The following MBNL3 variants were observed in gnomAD, a reference collection of about 807,000 sequenced individuals.
MBNL3 encodes the protein muscleblind like splicing regulator 3, also known as muscleblind-like protein 3.
Under a neutral mutation model 24.5 loss-of-function variants are expected in MBNL3, and 6 were observed. That is an observed-to-expected ratio of 0.25 (90% CI 0.13 to 0.48). MBNL3 has a LOEUF of 0.48. MBNL3 is among the 20% of genes least tolerant of loss of function. The probability of loss-of-function intolerance (pLI) is 0.99; values close to 1 mark genes in which losing one functional copy is unlikely to be tolerated. For missense variants in MBNL3, 230 were observed against 293.5 expected, an observed-to-expected ratio of 0.78 and a Z score of 1.58; for synonymous variants, 100 against 101.7, an observed-to-expected ratio of 0.98 and a Z score of 0.10.
intron 8 of MBNL3, chrX:132,381,223 A>T: frequency 2.9e-6 from 1 of 349,746 alleles, no homozygotes; most frequent in Non-Finnish European, 4.9e-6. Context: ...AAAATTTATA[A>T]TGTGTAAATC....
Position 132,395,965 on chromosome X carries a change from G to A in MBNL3, c.343-3631C>T, listed in dbSNP as rs1485763666. 3.6e-5 allele frequency among the ~76,000 whole-genome samples: 4 copies of A among 110,633 alleles called. No individual in the cohort carries two copies. In the Admixed American group the frequency reaches 3.9e-4, roughly 11 times the overall value. On this transcript the variant is annotated intron_variant, in intron 3 of 8. Coordinates refer to ENST00000370853, the MANE Select transcript of MBNL3 (RefSeq NM_001386889.1). Reference sequence around the variant, plus strand: ...AGGGCCCATAAGCCAAATTCAGCCTGCCTGTGTTTTTGTATGGCCAGCAAT... The same window carrying A: ...AGGGCCCATAAGCCAAATTCAGCCTACCTGTGTTTTTGTATGGCCAGCAAT...
Position 132,378,758 on chromosome X carries a change from A to G in MBNL3, c.*908T>C, listed in dbSNP as rs1934383862. ...CACACACACAAAAAATCTAATGAGC[A>G]CTTTACATAATTTTTAGTATAAATG... is the stretch of plus-strand genomic sequence containing the variant. On this transcript the variant is annotated 3_prime_UTR_variant, in exon 9 of 9. Transcript: ENST00000370853. The G allele has an allele frequency of 1.8e-5, 2 of 112,129 alleles. No individual in the cohort carries two copies. Among genetic ancestry groups the G allele is most frequent in the Admixed American group, 9.5e-5 (1 of 10,542 alleles). The allele number at this position is 112,129 out of a possible 1,213,427, so 9.2% of individuals were successfully genotyped here. A position where few individuals can be genotyped will look rare whatever the true frequency, so the allele number is the denominator to read the frequency against.
intron 1 of MBNL3, among the ~76,000 whole-genome samples, chrX:132,485,539 G>A (rs1947963117): frequency 8.9e-6 from 1 of 112,189 alleles, no homozygotes; most frequent in South Asian, 3.7e-4. Context: ...TCTCAAAGTT[G>A]CCTTTCCAAC....
intron 2 of MBNL3, among the ~76,000 whole-genome samples, chrX:132,424,419 T>C (rs1288844176): frequency 9.0e-6 from 1 of 111,380 alleles, no homozygotes; most frequent in Admixed American, 9.5e-5. Flanking sequence ...TAGTGGTGCA[T>C]GTTTAGTGGT....
At chrX:132,464,235 G>A (rs183818158) in intron 1 of MBNL3, among the ~76,000 whole-genome samples, 277 of 112,158 alleles carry the variant, frequency 2.5e-3, no homozygotes, top group Non-Finnish European at 4.2e-3. Flanking sequence ...ACTAAAGAAC[G>A]TGGTTATACT....
chrX:132,420,715 C>A (rs1306839533), intron 2 of MBNL3, among the ~76,000 whole-genome samples: 3 of 111,050 alleles, frequency 2.7e-5, no homozygotes, highest in Non-Finnish European at 5.7e-5. Context: ...GATTACTCGT[C>A]GGCCTAGGAA....
At chrX:132,415,930 A>C (rs747497506) in intron 2 of MBNL3, among the ~76,000 whole-genome samples, 1 of 111,555 alleles carries the variant, frequency 9.0e-6, no homozygotes, top group East Asian at 2.8e-4. Flanking sequence ...AATTGTAGGA[A>C]AGTAGGCAAC....
Position 132,429,161 on chromosome X carries a change from T to A in MBNL3, c.177+10274A>T, listed in dbSNP as rs754703117. Reference sequence around the variant, plus strand: ...GAGCTATGATCCCATAAAACAACACTTTAAATAAGTTGGATTAGATTCCAA... The same window carrying A: ...GAGCTATGATCCCATAAAACAACACATTAAATAAGTTGGATTAGATTCCAA... On this transcript the variant is annotated intron_variant, in intron 2 of 8. Coordinates refer to ENST00000370853, the MANE Select transcript of MBNL3 (RefSeq NM_001386889.1). 2.4e-4 allele frequency among the ~76,000 whole-genome samples: 27 copies of A among 112,534 alleles called. 1 individual carries two copies. The highest frequency in any genetic ancestry group is 4.6e-3 in the Middle Eastern group (1 of 217).
intron 3 of MBNL3, among the ~76,000 whole-genome samples, chrX:132,400,228 TAAAATA>T (rs985117355): frequency 9.0e-6 from 1 of 111,153 alleles, no homozygotes; most frequent in African/African-American, 3.3e-5. Context: ...ATAATAATAA[TAAAATA>T]AAATAAAGAA....
At chrX:132,412,076 A>G (rs1942809690) in intron 2 of MBNL3, among the ~76,000 whole-genome samples, 2 of 111,346 alleles carry the variant, frequency 1.8e-5, no homozygotes, top group Non-Finnish European at 3.8e-5. Flanking sequence ...GAAAATAGCT[A>G]GTTCCTAACT....
intron 1 of MBNL3, among the ~76,000 whole-genome samples, chrX:132,481,030 T>G (rs1947703851): frequency 1.8e-5 from 2 of 110,855 alleles, no homozygotes; most frequent in Non-Finnish European, 3.8e-5. Flanking sequence ...AAAAAAAAAC[T>G]CTATATGGAA....
chrX:132,401,481 T>G (rs1940909852), intron 3 of MBNL3, among the ~76,000 whole-genome samples: 1 of 109,143 alleles, frequency 9.2e-6, no homozygotes, highest in African/African-American at 3.3e-5. Flanking sequence ...CATGGTGATG[T>G]GCACCTGTAG....
chrX:132,487,977 C>T (rs1189988532), intron 1 of MBNL3, among the ~76,000 whole-genome samples: 3 of 111,884 alleles, frequency 2.7e-5, no homozygotes, highest in Non-Finnish European at 5.6e-5. Flanking sequence ...TTCACTAAAG[C>T]AGGGAGTCCG....
In MBNL3 at chrX:132,372,381, A is replaced by G. The variant is rs772783697; in HGVS notation, c.*7285T>C. The G allele has an allele frequency of 2.7e-5, 3 of 110,021 alleles. No homozygotes were observed. The highest frequency in any genetic ancestry group is 9.8e-5 in the African/African-American group (3 of 30,545). The allele number at this position is 110,021 out of a possible 1,213,427, so 9.1% of individuals were successfully genotyped here. A position where few individuals can be genotyped will look rare whatever the true frequency, so the allele number is the denominator to read the frequency against. ...AAGAATATATTTAGGAAAATCCTTC[A>G]AAAGTTTTTTAATTTAAATCATTGT... On this transcript the variant is annotated 3_prime_UTR_variant, in exon 9 of 9. Transcript: ENST00000370853.
At chrX:132,473,046 C>T (rs888093011) in intron 1 of MBNL3, among the ~76,000 whole-genome samples, 1 of 111,864 alleles carries the variant, frequency 8.9e-6, no homozygotes, top group Middle Eastern at 4.2e-3. Flanking sequence ...AACTTGATTA[C>T]AGGGCTGGCT....
chrX:132,384,006 A>G (rs928145101), intron 7 of MBNL3, among the ~76,000 whole-genome samples: 3 of 112,266 alleles, frequency 2.7e-5, no homozygotes, highest in Admixed American at 1.9e-4. Context: ...AGTGCTGTAT[A>G]AAATGGTTTA....
At chrX:132,443,831 C>T (rs1464344683) in intron 1 of MBNL3, among the ~76,000 whole-genome samples, 1 of 110,833 alleles carries the variant, frequency 9.0e-6, no homozygotes, top group Non-Finnish European at 1.9e-5. Context: ...ACTTATTGCT[C>T]CCCATATTTC....
chrX:132,395,474 A>G (rs750912491), intron 3 of MBNL3, among the ~76,000 whole-genome samples: 2 of 112,000 alleles, frequency 1.8e-5, no homozygotes, highest in East Asian at 5.6e-4. Context: ...TTATTTACTA[A>G]ATACTTGAAA....
rs1384058530 is a variant in MBNL3 at position 132,440,028 on chromosome X, A to T, written c.-417T>A. Reference sequence around the variant, plus strand: ...GGAATGGTCTCAGATCAGGGGGAGAAAAGTTTTTCTCCCTATTTATTAGCT... The same window carrying T: ...GGAATGGTCTCAGATCAGGGGGAGATAAGTTTTTCTCCCTATTTATTAGCT... On this transcript the variant is annotated 5_prime_UTR_variant, in exon 2 of 9. Coordinates refer to ENST00000370853, the MANE Select transcript of MBNL3 (RefSeq NM_001386889.1). Among the ~76,000 whole-genome samples, 1 of 111,554 alleles carries T rather than the reference A, an allele frequency of 9.0e-6. No homozygotes were observed. Among genetic ancestry groups the T allele is most frequent in the Non-Finnish European group, 1.9e-5 (1 of 53,118 alleles).
Sources: allele counts gnomAD v4.1 joint callset (sites outside exome capture counted in the v4.1 genomes callset), GRCh38; gene constraint gnomAD v4.1.1; transcripts MANE v1.5; gene names NCBI Gene and HGNC (gene_info 2026-07-23, HGNC 2026-07-21).